TAF1B: variants seen among roughly 807,000 people sequenced by gnomAD.
TAF1B encodes TATA box-binding protein-associated factor RNA polymerase I subunit B.
Under a neutral mutation model 83.9 loss-of-function variants are expected in TAF1B, and 61 were observed. The ratio of observed to expected loss-of-function variants is 0.73; its 90% CI spans 0.59 to 0.90. The LOEUF (loss-of-function observed/expected upper bound fraction) is 0.90, where lower values mean the gene tolerates loss of function less well. Ranked by LOEUF, TAF1B falls within the 40% of genes least tolerant of loss-of-function variation. TAF1B has a pLI of 0.00. For missense variants in TAF1B, 625 were observed against 677.0 expected (o/e 0.92, Z 0.85); for synonymous variants, 221 against 224.6 (o/e 0.98, Z 0.14).
At chr2:9,901,958 C>T (rs1665189288) in intron 8 of TAF1B, among the ~76,000 whole-genome samples, 1 of 151,836 alleles carries the variant, frequency 6.6e-6, no homozygotes, top group Admixed American at 6.6e-5. Context: ...TATTCTTCAG[C>T]TACAGATCAA....
At chr2:9,928,447 A>G (rs201839027) in intron 14 of TAF1B, among the ~76,000 whole-genome samples, 26,647 of 151,906 alleles carry the variant, frequency 0.18, 2,946 homozygotes, top group East Asian at 0.3. Context: ...AATTACCTTA[A>G]GCAGCATGGC....
chr2:9,884,942 A>G (rs1664626732), intron 8 of TAF1B, among the ~76,000 whole-genome samples: 2 of 152,218 alleles, frequency 1.3e-5, no homozygotes, highest in South Asian at 4.1e-4. Flanking sequence ...CCAATATTTA[A>G]TAATCTGAGA....
intron 14 of TAF1B, among the ~76,000 whole-genome samples, chr2:9,927,262 G>T (rs1027780944): frequency 1.3e-5 from 2 of 152,080 alleles, no homozygotes; most frequent in African/African-American, 4.8e-5. Context: ...TCTTAATCCA[G>T]TCTATCATTG....
At position 9,843,806 on chromosome 2, in the gene TAF1B, G is replaced by A. The variant is rs1158476555; in HGVS notation, c.18+247G>A. Reference sequence around the variant, plus strand: ...GGGGAGGGAGGGTGTGGTGTTTGTCGTTATGGGTGTGTTTAAGGATGAAGC... The same window carrying A: ...GGGGAGGGAGGGTGTGGTGTTTGTCATTATGGGTGTGTTTAAGGATGAAGC... On this transcript the variant is annotated intron_variant, in intron 1 of 14. Transcript: ENST00000263663. 66 of 451,468 alleles carry A rather than the reference G, an allele frequency of 1.5e-4. No individual in the cohort carries two copies. In the East Asian group the frequency reaches 2.4e-3, roughly 16 times the overall value. The allele number at this position is 451,468 out of a possible 1,614,324, so 28.0% of individuals were successfully genotyped here.
At position 9,892,901 on chromosome 2, in the gene TAF1B, T is replaced by A. The variant is rs1419679470; in HGVS notation, c.807+10096T>A. Among the ~76,000 whole-genome samples the A allele has an allele frequency of 2.0e-5, 3 of 152,220 alleles. No homozygotes were observed. In the East Asian group the frequency reaches 5.8e-4, roughly 29 times the overall value. ...CCACCAATGTACAAGAGTTCCCTTT[T>A]CTTTGCATCCTTGCCAACACTTACC... On this transcript the variant is annotated intron_variant, in intron 8 of 14. Transcript: ENST00000263663.
intron 14 of TAF1B, among the ~76,000 whole-genome samples, chr2:9,933,009 G>A (rs913002485): frequency 1.4e-4 from 22 of 152,348 alleles, no homozygotes; most frequent in Admixed American, 8.5e-4. Flanking sequence ...CTGGTGTGCC[G>A]TTTGCTAAGA....
chr2:9,921,460 G>A (rs1665876785), intron 14 of TAF1B, among the ~76,000 whole-genome samples: 1 of 152,084 alleles, frequency 6.6e-6, no homozygotes, highest in Non-Finnish European at 1.5e-5. Flanking sequence ...ACTCCCCAGA[G>A]CACATTCGTT....
At chr2:9,873,577 T>G (rs1664232899) in intron 6 of TAF1B, among the ~76,000 whole-genome samples, 1 of 151,908 alleles carries the variant, frequency 6.6e-6, no homozygotes, top group South Asian at 2.1e-4. Flanking sequence ...AGATTCACAC[T>G]TAACACACAT....
chr2:9,891,253 T>C (rs1167781091), intron 8 of TAF1B, among the ~76,000 whole-genome samples: 3 of 152,220 alleles, frequency 2.0e-5, no homozygotes, highest in African/African-American at 7.2e-5. Context: ...GTGTTTGTGG[T>C]GATGCTTCTA....
intron 6 of TAF1B, among the ~76,000 whole-genome samples, chr2:9,874,257 T>G (rs911586819): frequency 1.3e-5 from 2 of 152,162 alleles, no homozygotes; most frequent in African/African-American, 4.8e-5. Context: ...CTAATATACT[T>G]GGTATTCTTC....
chr2:9,931,809 C>A (rs1666221931), intron 14 of TAF1B, among the ~76,000 whole-genome samples: 2 of 152,230 alleles, frequency 1.3e-5, no homozygotes, highest in African/African-American at 4.8e-5. Context: ...GTACACTAAT[C>A]AAATGTAGAT....
chr2:9,921,448 T>C (rs1665876199), intron 14 of TAF1B, among the ~76,000 whole-genome samples: 2 of 152,192 alleles, frequency 1.3e-5, no homozygotes, highest in African/African-American at 2.4e-5. Context: ...GAAGAACATA[T>C]TACTCCCCAG....
chr2:9,906,660 C>T (rs1378078050), intron 9 of TAF1B, among the ~76,000 whole-genome samples: 8 of 152,020 alleles, frequency 5.3e-5, no homozygotes, highest in East Asian at 3.9e-4. Context: ...AATAAAAAGT[C>T]GAACAAGCCA....
chr2:9,924,073 A>AT (rs1431487817), intron 14 of TAF1B, among the ~76,000 whole-genome samples: 1 of 152,132 alleles, frequency 6.6e-6, no homozygotes, highest in Non-Finnish European at 1.5e-5. Flanking sequence ...AACTGCTGAG[A>AT]TTTTTTTCTC....
chr2:9,872,439 C>T (rs1664197345), intron 6 of TAF1B, among the ~76,000 whole-genome samples: 1 of 152,062 alleles, frequency 6.6e-6, no homozygotes, highest in South Asian at 2.1e-4. Context: ...TGAGTTTCTC[C>T]AATTCCTGAG....
At chr2:9,876,431 T>G (rs1664322595) in intron 7 of TAF1B, among the ~76,000 whole-genome samples, 1 of 152,350 alleles carries the variant, frequency 6.6e-6, no homozygotes, top group African/African-American at 2.4e-5. Flanking sequence ...AAATATAGGT[T>G]GTCTATGTTT....
intron 6 of TAF1B, among the ~76,000 whole-genome samples, chr2:9,869,695 G>A (rs1246717114): frequency 6.6e-6 from 1 of 150,798 alleles, no homozygotes; most frequent in East Asian, 2.0e-4. Flanking sequence ...GGCCAACATG[G>A]AGAAACCCCA....
intron 5 of TAF1B, 125 bp downstream of exon 5, chr2:9,854,546 A>G (rs1663498132): frequency 5.9e-6 from 4 of 681,106 alleles, no homozygotes; most frequent in Non-Finnish European, 1.0e-5. Context: ...TTCAGTTAAG[A>G]GGCTTCTGTT....
At position 9,933,767 on chromosome 2, in the gene TAF1B, T is replaced by C; in HGVS notation, c.1566-16T>C. On this transcript the variant is annotated splice_polypyrimidine_tract_variant and intron_variant, in intron 14 of 14. Transcript: ENST00000263663. Reference sequence around the variant, plus strand: ...TACCATCTAAAGATAAATTCTTTTTTCTTTTTCCCTTCTAGCTATTGTACA... The same window carrying C: ...TACCATCTAAAGATAAATTCTTTTTCCTTTTTCCCTTCTAGCTATTGTACA... 1.3e-6 allele frequency: 2 copies of C among 1,593,202 alleles called. No individual in the cohort carries two copies. The highest frequency in any genetic ancestry group is 1.7e-6 in the Non-Finnish European group (2 of 1,170,248).
Sources: gnomAD v4.1 joint callset for allele counts (sites outside exome capture counted in the v4.1 genomes callset) on GRCh38, gnomAD v4.1.1 for gene constraint, MANE v1.5 for transcripts, NCBI Gene and HGNC (gene_info 2026-07-23, HGNC 2026-07-21) for gene names.